The following NXN variants were observed in gnomAD, a reference collection of about 807,000 sequenced individuals.
NXN encodes nucleoredoxin, also known as nucleoredoxin 1.
NXN carries 16 observed loss-of-function variants against 48.6 expected under a neutral mutation model. The ratio of observed to expected loss-of-function variants is 0.33; its 90% CI spans 0.22 to 0.50. NXN has a LOEUF of 0.50. Among genes scored for constraint, NXN ranks in the 20% least tolerant of loss-of-function variants. The pLI is 0.98. For synonymous variants in NXN, 281 were observed against 269.6 expected (o/e 1.04, Z -0.41); for missense variants, 492 against 605.5 (o/e 0.81, Z 1.97).
At chr17:979,270 T>TAACGGGCGTGGGGGGCGGGCAGGGGA in intron 1 of NXN, 49 bp downstream of exon 1, 2 of 900,114 alleles carry the variant, frequency 2.2e-6, no homozygotes, top group African/African-American at 3.6e-5. Flanking sequence ...CGGGCAGGGG[T>TAACGGGCGTGGGGGGCGGGCAGGGGA]AACGGGCGTG....
rs1304424150 is a variant in NXN, at chr17:919,900, AC to A, written c.360+59418del. Reference sequence around the variant, plus strand: ...TCACCTTGCAGACTGGTATTCACTAACCCCCAGGCCATGGCGGAAAATGTAC... The same window carrying A: ...TCACCTTGCAGACTGGTATTCACTAACCCCAGGCCATGGCGGAAAATGTAC... On this transcript the variant is annotated intron_variant, in intron 1 of 7. Transcript: ENST00000336868. This position sits in a 1 kb window ranked among gnomAD's most constrained non-coding sequence, Gnocchi z 5.1. Among the ~76,000 whole-genome samples the A allele has an allele frequency of 4.0e-5, 6 of 151,486 alleles. No individual in the cohort carries two copies. In the East Asian group the frequency reaches 1.2e-3, roughly 29 times the overall value.
At chr17:885,305 T>G (rs557752814) in intron 1 of NXN, among the ~76,000 whole-genome samples, 54 of 152,104 alleles carry the variant, frequency 3.6e-4, no homozygotes, top group African/African-American at 1.3e-3. Flanking sequence ...TGGTGACACC[T>G]CGTCTCTACT....
chr17:895,571 G>A (rs1046823765), intron 1 of NXN, among the ~76,000 whole-genome samples: 1 of 151,350 alleles, frequency 6.6e-6, no homozygotes. Flanking sequence ...CCAGCACTTT[G>A]GGAGGTCGAG....
chr17:966,932 G>A (rs1310502773), intron 1 of NXN, among the ~76,000 whole-genome samples: 3 of 152,168 alleles, frequency 2.0e-5, no homozygotes, highest in Non-Finnish European at 2.9e-5. Context: ...GGAGAGAGAA[G>A]AGTTGTCTGC....
At chr17:921,192 C>T (rs2068747592) in intron 1 of NXN, among the ~76,000 whole-genome samples, 1 of 152,152 alleles carries the variant, frequency 6.6e-6, no homozygotes, top group Non-Finnish European at 1.5e-5. Context: ...CCTCTGCTCA[C>T]TCCTTCCTCT....
intron 1 of NXN, among the ~76,000 whole-genome samples, chr17:869,692 C>T (rs953348461): frequency 1.3e-5 from 2 of 152,238 alleles, no homozygotes; most frequent in Non-Finnish European, 2.9e-5. Flanking sequence ...TCTGTAAGTT[C>T]CCTGGAGAAA....
chr17:959,174 G>T, intron 1 of NXN: 1 of 904,002 alleles, frequency 1.1e-6, no homozygotes, highest in Non-Finnish European at 1.5e-6. Flanking sequence ...TGGAGAGGTG[G>T]TTCCCCGCCA....
At position 800,983 on chromosome 17, in the gene NXN, AAGTCATTCACAAAG is replaced by A; in HGVS notation, c.1260_1273del (p.Phe421ProfsTer60). 1 of 1,539,610 alleles carries A rather than the reference AAGTCATTCACAAAG, an allele frequency of 6.5e-7. No individual in the cohort carries two copies. Among genetic ancestry groups the A allele is most frequent in the South Asian group, 1.2e-5 (1 of 80,680 alleles). ...CTCCGGTTTGAGCTTCTCTGCTAGG[AAGTCATTCACAAAG>A]GCCTCCACGATGGCGGGGGTGATCT... is the stretch of plus-strand genomic sequence containing the variant. On this transcript the variant is annotated frameshift_variant, in exon 8 of 8. Coordinates refer to ENST00000336868, the MANE Select transcript of NXN (RefSeq NM_022463.5). LOFTEE classifies it high-confidence loss of function.
chr17:869,710 G>A (rs1345562068), intron 1 of NXN, among the ~76,000 whole-genome samples: 1 of 152,248 alleles, frequency 6.6e-6, no homozygotes, highest in Non-Finnish European at 1.5e-5. Flanking sequence ...AAATGAGTGA[G>A]GAGGGAAGGC....
chr17:924,129 A>G (rs2068774544), intron 1 of NXN, among the ~76,000 whole-genome samples: 1 of 151,168 alleles, frequency 6.6e-6, no homozygotes, highest in East Asian at 1.9e-4. Flanking sequence ...GTGCAGTGGC[A>G]CGATTCTGGG....
chr17:911,314 T>TTTCTC (rs2068633320), intron 1 of NXN: 1 of 151,266 alleles, frequency 6.6e-6, no homozygotes, highest in African/African-American at 2.4e-5. Flanking sequence ...GAACAGTCTG[T>TTTCTC]TTCTCCATTA....
chr17:804,972 CAG>C, intron 6 of NXN, 94 bp downstream of exon 6: 4 of 1,330,604 alleles, frequency 3.0e-6, no homozygotes, highest in African/African-American at 1.5e-5. Context: ...CTGCTGGTGA[CAG>C]AGAGAAGCGG....
intron 1 of NXN, among the ~76,000 whole-genome samples, chr17:862,773 T>G (rs895159273): frequency 6.6e-6 from 1 of 152,218 alleles, no homozygotes; most frequent in Non-Finnish European, 1.5e-5. Context: ...CCTGGTGAGA[T>G]GCAACAGGAG....
In NXN at chr17:919,596, G is replaced by T. The variant is rs960245624; in HGVS notation, c.360+59723C>A. ...TCGTATCGTGGGTTACAGAACCTAC[G>T]TCGTCCTCGGAATCCCCGCATTCGT... On this transcript the variant is annotated intron_variant, in intron 1 of 7. Transcript: ENST00000336868. This position sits in a 1 kb window ranked among gnomAD's most constrained non-coding sequence, Gnocchi z 5.1. Among the ~76,000 whole-genome samples, 2 of 152,058 alleles carry T rather than the reference G, an allele frequency of 1.3e-5. No individual in the cohort carries two copies. Among genetic ancestry groups the T allele is most frequent in the African/African-American group, 4.8e-5 (2 of 41,404 alleles).
intron 5 of NXN, among the ~76,000 whole-genome samples, chr17:807,257 G>A (rs1249868742): frequency 6.6e-6 from 1 of 152,142 alleles, no homozygotes; most frequent in Admixed American, 6.5e-5. Context: ...CCCCGGCAAG[G>A]TCCTTCCTCA....
At chr17:888,874 G>A (rs562860953) in intron 1 of NXN, among the ~76,000 whole-genome samples, 48 of 150,268 alleles carry the variant, frequency 3.2e-4, no homozygotes, top group Admixed American at 6.0e-4. Context: ...AGAATCACTT[G>A]AACCCAGGAG....
Position 801,208 on chromosome 17 carries a change from C to T in NXN, c.1126-77G>A, listed in dbSNP as rs534352171. 54 of 1,226,880 alleles carry T rather than the reference C, an allele frequency of 4.4e-5. No individual in the cohort carries two copies. The South Asian group carries it at 1.0e-3, about 23-fold the overall frequency. The allele number at this position is 1,226,880 out of a possible 1,614,324, so 76.0% of individuals were successfully genotyped here. On this transcript the variant is annotated intron_variant, in intron 7 of 7. Coordinates refer to ENST00000336868, the MANE Select transcript of NXN (RefSeq NM_022463.5). ...GGAGAGTCCCCTGGGCCCAGTCTCC[C>T]CAGGTGTGGTAGCTCCCGCACCCTG...
intron 1 of NXN, among the ~76,000 whole-genome samples, chr17:954,888 TA>T (rs1459963874): frequency 3.3e-5 from 5 of 152,220 alleles, no homozygotes; most frequent in Non-Finnish European, 7.3e-5. Context: ...TCAGCGCTGG[TA>T]TTCCCCCTCT....
At chr17:904,167 TG>T (rs1371818520) in intron 1 of NXN, among the ~76,000 whole-genome samples, 1 of 152,232 alleles carries the variant, frequency 6.6e-6, no homozygotes, top group Non-Finnish European at 1.5e-5. Context: ...CCGCGTCGAC[TG>T]CCCTAAGAGT....
Sources: allele counts gnomAD v4.1 joint callset (sites outside exome capture counted in the v4.1 genomes callset), GRCh38; gene constraint gnomAD v4.1.1; non-coding constraint Gnocchi (gnomAD v3.1); transcripts MANE v1.5; gene names NCBI Gene and HGNC (gene_info 2026-07-23, HGNC 2026-07-21).